The following FAT3 variants were observed in gnomAD, a reference collection of about 807,000 sequenced individuals.
The protein encoded by FAT3 is FAT atypical cadherin 3.
Under a neutral mutation model 310.2 loss-of-function variants are expected in FAT3, and 95 were observed. The ratio of observed to expected loss-of-function variants is 0.31; its 90% CI spans 0.26 to 0.36. The LOEUF (loss-of-function observed/expected upper bound fraction) is 0.36. Among genes scored for constraint, FAT3 ranks in the 10% least tolerant of loss-of-function variants. FAT3 has a pLI of 1.00. For missense variants in FAT3, 5,408 were observed against 5,715.6 expected (o/e 0.95, Z 1.74); for synonymous variants, 2,314 against 2,192.9 (o/e 1.06, Z -1.54).
intron 2 of FAT3, among the ~76,000 whole-genome samples, chr11:92,408,597 G>A (rs1312439326): frequency 6.6e-6 from 1 of 152,198 alleles, no homozygotes; most frequent in Non-Finnish European, 1.5e-5. Flanking sequence ...AGCCCTCACT[G>A]GGATTTTGTC....
intron 13 of FAT3, among the ~76,000 whole-genome samples, chr11:92,831,230 GTAGA>G (rs1419843639): frequency 6.6e-6 from 1 of 152,134 alleles, no homozygotes; most frequent in African/African-American, 2.4e-5. Context: ...AAAGTGCCTG[GTAGA>G]TTCTAAATAC....
chr11:92,566,396 C>G (rs989150586), intron 3 of FAT3, among the ~76,000 whole-genome samples: 98 of 152,110 alleles, frequency 6.4e-4, no homozygotes, highest in African/African-American at 2.1e-3. Flanking sequence ...AGGATACAAA[C>G]AAATGGAAGA....
chr11:92,398,500 CAAAAAAAA>C (rs35977408), intron 2 of FAT3, among the ~76,000 whole-genome samples: 2 of 80,698 alleles, frequency 2.5e-5, no homozygotes, highest in Admixed American at 1.5e-4. Flanking sequence ...AACTCCGTCC[CAAAAAAAA>C]AAAAAAAAAA....
At chr11:92,871,354 A>G (rs1949386677) in intron 22 of FAT3, among the ~76,000 whole-genome samples, 1 of 152,190 alleles carries the variant, frequency 6.6e-6, no homozygotes, top group Non-Finnish European at 1.5e-5. Context: ...AGGGACCAAC[A>G]GCATTGGCAT....
intron 1 of FAT3, among the ~76,000 whole-genome samples, chr11:92,331,299 T>TC: frequency 6.6e-6 from 1 of 151,786 alleles, no homozygotes; most frequent in Non-Finnish European, 1.5e-5. Flanking sequence ...TTTTTTTTTT[T>TC]CAAAATGAGA....
chr11:92,832,957 C>T (rs1458416037), intron 14 of FAT3, among the ~76,000 whole-genome samples: 1 of 152,206 alleles, frequency 6.6e-6, no homozygotes, highest in African/African-American at 2.4e-5. Context: ...TTTCTCACCA[C>T]ATCCTTTTCC....
intron 9 of FAT3, among the ~76,000 whole-genome samples, chr11:92,795,115 G>C (rs944305399): frequency 6.6e-6 from 1 of 152,118 alleles, no homozygotes; most frequent in Non-Finnish European, 1.5e-5. Flanking sequence ...CAGAATTTGA[G>C]TGCAGAGCTT....
intron 7 of FAT3, among the ~76,000 whole-genome samples, chr11:92,780,426 G>A (rs1455712190): frequency 6.6e-6 from 1 of 152,098 alleles, no homozygotes; most frequent in African/African-American, 2.4e-5. Context: ...GCCTCCCAAA[G>A]TGCTAGGATT....
intron 2 of FAT3, among the ~76,000 whole-genome samples, chr11:92,521,275 C>T (rs959712489): frequency 2.0e-5 from 3 of 152,018 alleles, no homozygotes; most frequent in African/African-American, 7.2e-5. Flanking sequence ...TTTTAGTGAC[C>T]TTACTTTGAT....
intron 3 of FAT3, among the ~76,000 whole-genome samples, chr11:92,601,652 G>A (rs1940033178): frequency 6.6e-6 from 1 of 152,156 alleles, no homozygotes; most frequent in Non-Finnish European, 1.5e-5. Context: ...AGTCTGACTA[G>A]GAGGAGGGGA....
At chr11:92,671,083 C>T (rs1275768634) in intron 3 of FAT3, among the ~76,000 whole-genome samples, 1 of 151,804 alleles carries the variant, frequency 6.6e-6, no homozygotes, top group African/African-American at 2.4e-5. Flanking sequence ...CTCGCTCTGT[C>T]ATCCAGGCTG....
chr11:92,445,073 A>G (rs1951178273), intron 2 of FAT3, among the ~76,000 whole-genome samples: 1 of 152,188 alleles, frequency 6.6e-6, no homozygotes, highest in African/African-American at 2.4e-5. Context: ...ATAGCCAAGA[A>G]GAGAAGCCAC....
intron 3 of FAT3, among the ~76,000 whole-genome samples, chr11:92,644,454 T>C (rs147551810): frequency 1.9e-3 from 286 of 152,288 alleles, no homozygotes; most frequent in Non-Finnish European, 1.4e-3. Flanking sequence ...CACTGTGTTT[T>C]GTTCTATCGA....
chr11:92,534,626 T>C (rs1442631741), intron 3 of FAT3, among the ~76,000 whole-genome samples: 2 of 152,124 alleles, frequency 1.3e-5, no homozygotes, highest in Non-Finnish European at 2.9e-5. Flanking sequence ...TAAATTCATA[T>C]TGGATGTGTG....
intron 1 of FAT3, among the ~76,000 whole-genome samples, chr11:92,284,426 T>C (rs755227503): frequency 6.6e-5 from 10 of 152,068 alleles, no homozygotes; most frequent in Non-Finnish European, 1.5e-4. Context: ...ACTCACTAGT[T>C]TTTGTTCCAA....
At chr11:92,230,012 T>C (rs2134225382) in intron 1 of FAT3, among the ~76,000 whole-genome samples, 1 of 152,230 alleles carries the variant, frequency 6.6e-6, no homozygotes, top group East Asian at 1.9e-4. Context: ...CCTTGAACAA[T>C]GCATTATTGA....
intron 2 of FAT3, among the ~76,000 whole-genome samples, chr11:92,364,190 T>C (rs1948955724): frequency 1.3e-5 from 2 of 152,224 alleles, no homozygotes; most frequent in Admixed American, 6.5e-5. Context: ...TTTCTCTGTA[T>C]GCAATCTTCC....
chr11:92,434,413 A>T (rs1003098449), intron 2 of FAT3, among the ~76,000 whole-genome samples: 3 of 152,198 alleles, frequency 2.0e-5, no homozygotes, highest in African/African-American at 7.2e-5. Context: ...TTCATCCATT[A>T]GTCTGAAGAA....
chr11:92,464,774 T>G (rs540298213), intron 2 of FAT3, among the ~76,000 whole-genome samples: 1 of 152,336 alleles, frequency 6.6e-6, no homozygotes, highest in African/African-American at 2.4e-5. Context: ...TGTTTGAAAG[T>G]TATTCTTTTG....
Sources: gnomAD v4.1 joint callset for allele counts (sites outside exome capture counted in the v4.1 genomes callset) on GRCh38, gnomAD v4.1.1 for gene constraint, MANE v1.5 for transcripts, NCBI Gene and HGNC (gene_info 2026-07-23, HGNC 2026-07-21) for gene names.